Variants in CHIC2 observed in about 807,000 individuals in gnomAD.
CHIC2 encodes cysteine-rich hydrophobic domain-containing protein 2.
CHIC2 carries 14 observed loss-of-function variants against 25.9 expected under a neutral mutation model. The ratio of observed to expected loss-of-function variants is 0.54; its 90% CI spans 0.36 to 0.85. The LOEUF is 0.85. Ranked by LOEUF, CHIC2 falls within the 40% of genes least tolerant of loss-of-function variation. The pLI, the probability that CHIC2 is intolerant of heterozygous loss-of-function variation, is 0.01. For synonymous variants in CHIC2, 70 were observed against 72.0 expected (o/e 0.97, Z 0.14); for missense variants, 146 against 202.0 (o/e 0.72, Z 1.68).
At chr4:54,012,352 C>G (rs1303305949) in intron 5 of CHIC2, among the ~76,000 whole-genome samples, 1 of 152,026 alleles carries the variant, frequency 6.6e-6, no homozygotes, top group Non-Finnish European at 1.5e-5. Context: ...GCTTAATTAT[C>G]TAAAAATTCA....
intron 3 of CHIC2, among the ~76,000 whole-genome samples, chr4:54,029,137 AAAAC>A (rs965974652): frequency 6.6e-6 from 1 of 152,128 alleles, no homozygotes; most frequent in African/African-American, 2.4e-5. Flanking sequence ...AAAAAAAAAA[AAAAC>A]AAAAGTCAAA....
At chr4:54,088,995 G>A in the CHIC2 span, among the ~76,000 whole-genome samples, 1 of 152,154 alleles carries the variant, frequency 6.6e-6, no homozygotes, top group Non-Finnish European at 1.5e-5. Flanking sequence ...TGGAACTCCT[G>A]TACCTTCTCT....
chr4:54,019,931 T>G (rs1253592947), intron 3 of CHIC2, among the ~76,000 whole-genome samples: 1 of 151,948 alleles, frequency 6.6e-6, no homozygotes, highest in Non-Finnish European at 1.5e-5. Flanking sequence ...GAGATAAAAA[T>G]TAATAAATAT....
chr4:54,047,486 CA>C (rs1340158114), intron 3 of CHIC2, among the ~76,000 whole-genome samples: 1 of 151,966 alleles, frequency 6.6e-6, no homozygotes, highest in Non-Finnish European at 1.5e-5. Context: ...AGGATGAGTT[CA>C]TGTCCTTTGT....
the CHIC2 span, among the ~76,000 whole-genome samples, chr4:54,070,796 G>A: frequency 6.0e-4 from 92 of 152,234 alleles, no homozygotes; most frequent in African/African-American, 2.0e-3. Flanking sequence ...TTCCCAGCCT[G>A]TTATTCTGTA....
chr4:54,015,910 T>C (rs1715725740), intron 3 of CHIC2, among the ~76,000 whole-genome samples: 2 of 152,218 alleles, frequency 1.3e-5, no homozygotes, highest in Middle Eastern at 3.2e-3. Context: ...ACAGAGCTCA[T>C]TGACTCTGAA....
At chr4:54,086,985 C>G in the CHIC2 span, 1 of 873,590 alleles carries the variant, frequency 1.1e-6, no homozygotes, top group East Asian at 2.6e-5. Flanking sequence ...AAGAAGACAA[C>G]TTCAAAAAAC....
At chr4:54,014,209 A>AT in intron 3 of CHIC2, 90 bp from the exon 4 acceptor site, 1 of 1,020,606 alleles carries the variant, frequency 9.8e-7, no homozygotes, top group Non-Finnish European at 1.5e-6. Flanking sequence ...GGGGAGAGGT[A>AT]TAAGACAGTG....
intron 3 of CHIC2, among the ~76,000 whole-genome samples, chr4:54,042,759 T>G (rs1382882422): frequency 6.6e-6 from 1 of 151,318 alleles, no homozygotes. Flanking sequence ...GTGAGAATGA[T>G]GAAAAAAAAA....
intron 3 of CHIC2, among the ~76,000 whole-genome samples, chr4:54,015,350 A>C (rs1283239751): frequency 6.6e-6 from 1 of 152,118 alleles, no homozygotes; most frequent in African/African-American, 2.4e-5. Flanking sequence ...AGAATTTTAA[A>C]GAAAAAAAAG....
intron 3 of CHIC2, among the ~76,000 whole-genome samples, chr4:54,029,388 T>C (rs1048489390): frequency 4.6e-5 from 7 of 152,116 alleles, no homozygotes; most frequent in Non-Finnish European, 1.0e-4. Flanking sequence ...ACAAGAAATA[T>C]AGGGTAATGA....
At chr4:54,028,949 C>T (rs990254176) in intron 3 of CHIC2, among the ~76,000 whole-genome samples, 10 of 151,890 alleles carry the variant, frequency 6.6e-5, no homozygotes, top group Admixed American at 4.6e-4. Context: ...ATGGTGAAAC[C>T]CCGTCTCTAC....
At chr4:54,026,616 A>T (rs1270907668) in intron 3 of CHIC2, among the ~76,000 whole-genome samples, 1 of 152,240 alleles carries the variant, frequency 6.6e-6, no homozygotes, top group Non-Finnish European at 1.5e-5. Context: ...GAATGGCCCT[A>T]GTATCCATCT....
At chr4:54,061,855 A>G (rs1332655995) in intron 1 of CHIC2, among the ~76,000 whole-genome samples, 1 of 152,210 alleles carries the variant, frequency 6.6e-6, no homozygotes, top group Non-Finnish European at 1.5e-5. Context: ...TTAAGCACAT[A>G]CACATTGCTT....
intron 3 of CHIC2, among the ~76,000 whole-genome samples, chr4:54,030,541 T>TAA (rs1716195065): frequency 7.7e-6 from 1 of 129,430 alleles, no homozygotes; most frequent in African/African-American, 3.2e-5. Context: ...AAAAAAAATA[T>TAA]ATATATATAT....
At chr4:54,047,657 G>C (rs1447029834) in intron 3 of CHIC2, among the ~76,000 whole-genome samples, 1 of 133,266 alleles carries the variant, frequency 7.5e-6, no homozygotes, top group East Asian at 2.5e-4. Context: ...TGTGGGGTGG[G>C]GGGAGGGGGG....
At chr4:54,038,949 T>C (rs1716483446) in intron 3 of CHIC2, among the ~76,000 whole-genome samples, 1 of 143,490 alleles carries the variant, frequency 7.0e-6, no homozygotes, top group Non-Finnish European at 1.5e-5. Flanking sequence ...CAGAATAGAG[T>C]ATGGAAAGAG....
chr4:54,024,125 C>G (rs984195373), intron 3 of CHIC2, among the ~76,000 whole-genome samples: 2 of 152,174 alleles, frequency 1.3e-5, no homozygotes, highest in Admixed American at 6.5e-5. Flanking sequence ...ACTAAAACTT[C>G]CACCTATCAA....
chr4:54,070,641 T>C, the CHIC2 span, among the ~76,000 whole-genome samples: 7 of 152,140 alleles, frequency 4.6e-5, no homozygotes, highest in Admixed American at 2.0e-4. Flanking sequence ...CAGGCTGGTC[T>C]TGAACTCCTG....
Sources: gnomAD v4.1 joint callset for allele counts (sites outside exome capture counted in the v4.1 genomes callset) on GRCh38, gnomAD v4.1.1 for gene constraint, MANE v1.5 for transcripts, NCBI Gene and HGNC (gene_info 2026-07-23, HGNC 2026-07-21) for gene names.